The following CSMD1 variants were observed in gnomAD, a reference collection of about 807,000 sequenced individuals.
CSMD1 encodes CUB and Sushi multiple domains 1.
In CSMD1, 213 loss-of-function variants were observed where a neutral mutation model predicts 417.5. That is an observed-to-expected ratio of 0.51 (90% CI 0.46 to 0.57). The LOEUF is 0.57. Among genes scored for constraint, CSMD1 ranks in the 20% least tolerant of loss-of-function variants. The pLI, the probability that CSMD1 is intolerant of heterozygous loss-of-function variation, is 0.00. For missense variants in CSMD1, 6,923 were observed against 4,529.7 expected, an observed-to-expected ratio of 1.53 and a Z score of -15.17; for synonymous variants, 2,862 against 1,736.8, an observed-to-expected ratio of 1.65 and a Z score of -16.11.
At chr8:4,704,755 A>C (rs10094246) in intron 1 of CSMD1, among the ~76,000 whole-genome samples, 1 of 152,158 alleles carries the variant, frequency 6.6e-6, no homozygotes, top group Non-Finnish European at 1.5e-5. Flanking sequence ...GATATGTGTG[A>C]GTTGTCGAGG....
intron 7 of CSMD1, among the ~76,000 whole-genome samples, chr8:3,643,963 C>G (rs2117334188): frequency 6.6e-6 from 1 of 152,260 alleles, no homozygotes; most frequent in East Asian, 1.9e-4. Context: ...GTAGATAGGA[C>G]AATTCTAACA....
At chr8:4,153,370 G>C (rs555201010) in intron 3 of CSMD1, among the ~76,000 whole-genome samples, 1 of 152,190 alleles carries the variant, frequency 6.6e-6, no homozygotes, top group African/African-American at 2.4e-5. Context: ...CATTCTGGAA[G>C]CAACAGTGTA....
chr8:4,195,973 G>T (rs962824870), intron 3 of CSMD1, among the ~76,000 whole-genome samples: 1 of 151,990 alleles, frequency 6.6e-6, no homozygotes, highest in East Asian at 2.0e-4. Flanking sequence ...ACACTTTGGG[G>T]CACCGAGGTG....
chr8:4,460,879 C>A lies in CSMD1; in HGVS notation c.303-40814G>T, dbSNP rs185860227. ...AATTATTGTCAGTCTTTAATAAATT[C>A]TTTCCAAAAATAGAAGAGGGATCAC... On this transcript the variant is annotated intron_variant, in intron 2 of 69. Coordinates refer to ENST00000635120, the MANE Select transcript of CSMD1 (RefSeq NM_033225.6). 1.1e-3 allele frequency among the ~76,000 whole-genome samples: 164 copies of A among 152,222 alleles called. 1 individual carries two copies. Among genetic ancestry groups the A allele is most frequent in the Admixed American group, 7.1e-3 (108 of 15,296 alleles).
intron 21 of CSMD1, among the ~76,000 whole-genome samples, chr8:3,354,813 A>C (rs915815327): frequency 1.3e-5 from 2 of 148,462 alleles, no homozygotes; most frequent in African/African-American, 5.1e-5. Flanking sequence ...CTCTCTCTCT[A>C]TATATATCTA....
intron 22 of CSMD1, 122 bp from the exon 23 acceptor site, chr8:3,343,572 G>A: frequency 1.2e-6 from 1 of 806,750 alleles, no homozygotes. Flanking sequence ...AAGGCATATA[G>A]TTTACAGAAA....
intron 10 of CSMD1, among the ~76,000 whole-genome samples, chr8:3,508,652 C>A (rs1237626774): frequency 2.6e-5 from 4 of 152,072 alleles, no homozygotes; most frequent in Non-Finnish European, 5.9e-5. Flanking sequence ...CTCCTTCAGT[C>A]GGTTTTATTG....
chr8:4,320,451 T>C (rs2128883791), intron 3 of CSMD1, among the ~76,000 whole-genome samples: 1 of 152,178 alleles, frequency 6.6e-6, no homozygotes, highest in African/African-American at 2.4e-5. Flanking sequence ...GATGGTTTTC[T>C]GCACCTATCA....
intron 5 of CSMD1, among the ~76,000 whole-genome samples, chr8:3,916,461 T>A (rs2688311): frequency 1.3e-5 from 2 of 152,186 alleles, no homozygotes; most frequent in African/African-American, 4.8e-5. Flanking sequence ...ACATTACTTA[T>A]ACATAAAGGC....
intron 5 of CSMD1, among the ~76,000 whole-genome samples, chr8:3,879,044 G>C (rs750977563): frequency 6.6e-6 from 1 of 152,112 alleles, no homozygotes; most frequent in African/African-American, 2.4e-5. Context: ...AGTTTGGATA[G>C]TTCTCTAAGA....
intron 10 of CSMD1, among the ~76,000 whole-genome samples, chr8:3,540,882 G>C (rs930971045): frequency 2.0e-5 from 3 of 152,180 alleles, no homozygotes; most frequent in South Asian, 2.1e-4. Context: ...AGAAACAACA[G>C]ATGCCGGCGA....
chr8:4,306,059 A>G (rs1361393592), intron 3 of CSMD1, among the ~76,000 whole-genome samples: 1 of 152,166 alleles, frequency 6.6e-6, no homozygotes, highest in East Asian at 1.9e-4. Flanking sequence ...ATTACTGGAC[A>G]TTTTGATTTA....
intron 1 of CSMD1, among the ~76,000 whole-genome samples, chr8:4,771,745 T>C (rs1796608018): frequency 6.6e-6 from 1 of 152,184 alleles, no homozygotes; most frequent in South Asian, 2.1e-4. Context: ...ATATGAGAGA[T>C]GATGGCTGTC....
intron 7 of CSMD1, among the ~76,000 whole-genome samples, chr8:3,659,824 T>G (rs1798319959): frequency 6.6e-6 from 1 of 152,126 alleles, no homozygotes; most frequent in African/African-American, 2.4e-5. Flanking sequence ...CGGCATAAAA[T>G]GACATTCCCA....
intron 12 of CSMD1, among the ~76,000 whole-genome samples, chr8:3,453,193 A>C (rs988387663): frequency 6.6e-6 from 1 of 151,318 alleles, no homozygotes; most frequent in African/African-American, 2.4e-5. Flanking sequence ...CTTCTATTTG[A>C]TTCTTTTCTC....
At chr8:4,386,006 C>T (rs1430404925) in intron 3 of CSMD1, among the ~76,000 whole-genome samples, 1 of 150,256 alleles carries the variant, frequency 6.7e-6, no homozygotes, top group South Asian at 2.2e-4. Flanking sequence ...TTCATTTTAA[C>T]TTTCCCTTTT....
chr8:4,208,929 G>T (rs1423320476), intron 3 of CSMD1, among the ~76,000 whole-genome samples: 2 of 152,142 alleles, frequency 1.3e-5, no homozygotes, highest in Non-Finnish European at 2.9e-5. Flanking sequence ...AGACATAACA[G>T]ATAAAAACTT....
intron 3 of CSMD1, among the ~76,000 whole-genome samples, chr8:4,237,109 A>C (rs749285352): frequency 6.6e-6 from 1 of 152,158 alleles, no homozygotes; most frequent in African/African-American, 2.4e-5. Flanking sequence ...ATCCTCCATC[A>C]AGAACTAGCT....
chr8:3,579,392 G>A (rs956097984), intron 9 of CSMD1, among the ~76,000 whole-genome samples: 8 of 152,104 alleles, frequency 5.3e-5, no homozygotes, highest in Non-Finnish European at 1.2e-4. Context: ...AAATCTTATG[G>A]TTCTATAGTA....
Sources: allele counts gnomAD v4.1 joint callset (sites outside exome capture counted in the v4.1 genomes callset), GRCh38; gene constraint gnomAD v4.1.1; transcripts MANE v1.5; gene names NCBI Gene and HGNC (gene_info 2026-07-23, HGNC 2026-07-21).